The following AIMP1 variants were observed in gnomAD, a reference collection of about 807,000 sequenced individuals.
AIMP1 encodes the protein aminoacyl tRNA synthase complex-interacting multifunctional protein 1.
Under a neutral mutation model 33.1 loss-of-function variants are expected in AIMP1, and 24 were observed. That is an observed-to-expected ratio of 0.73 (90% CI 0.53 to 1.02). The LOEUF is 1.02. Among genes scored for constraint, AIMP1 ranks in the 50% least tolerant of loss-of-function variants. The probability of loss-of-function intolerance (pLI) is 0.00; values close to 1 mark genes in which losing one functional copy is unlikely to be tolerated. For synonymous variants in AIMP1, 120 were observed against 121.5 expected (o/e 0.99, Z 0.08); for missense variants, 367 against 364.8 (o/e 1.01, Z -0.05).
At chr4:106,345,945 A>C (rs563856454) in intron 6 of AIMP1, among the ~76,000 whole-genome samples, 1 of 150,436 alleles carries the variant, frequency 6.6e-6, no homozygotes, top group African/African-American at 2.4e-5. Context: ...CCAGTAATTA[A>C]GTAATTCCAA....
At position 106,331,824 on chromosome 4, in the gene AIMP1, G is replaced by T. The variant is rs148281523; in HGVS notation, c.544G>T (p.Gly182Ter). 1 of 1,614,076 alleles carries T rather than the reference G, an allele frequency of 6.2e-7. No homozygotes were observed. Among genetic ancestry groups the T allele is most frequent in the East Asian group, 2.2e-5 (1 of 44,862 alleles). ...DSLYVEEVDV[G>*]EIAPRTVVSG... is the part of the protein sequence containing the mutation. ...TTTGTATGTGGAAGAAGTAGATGTC[G>T]GAGAAATAGCCCCAAGGACAGTTGT... is the stretch of plus-strand genomic sequence containing the variant. The change falls in exon 5 of 7, where the codon GGA (glycine) becomes TGA (stop). Residue 182 changes from glycine (G) to a stop codon, truncating the protein, a stop_gained. Transcript: ENST00000672341. LOFTEE classifies it high-confidence loss of function.
intron 1 of AIMP1, among the ~76,000 whole-genome samples, chr4:106,320,922 T>G (rs958834884): frequency 1.3e-5 from 2 of 152,068 alleles, no homozygotes; most frequent in African/African-American, 4.8e-5. Context: ...GGTTTTTGTA[T>G]TTTTTGGTGG....
intron 5 of AIMP1, among the ~76,000 whole-genome samples, chr4:106,334,509 C>G (rs1769801293): frequency 6.6e-6 from 1 of 152,058 alleles, no homozygotes; most frequent in Non-Finnish European, 1.5e-5. Flanking sequence ...AGGTGATCCG[C>G]CTGCCTTGGC....
intron 6 of AIMP1, among the ~76,000 whole-genome samples, chr4:106,338,490 CA>C (rs1769976740): frequency 6.6e-6 from 1 of 152,226 alleles, no homozygotes; most frequent in East Asian, 1.9e-4. Flanking sequence ...TCAGAGAGTG[CA>C]AGCCCTAAGC....
chr4:106,325,830 A>G (rs1273128531), intron 2 of AIMP1, among the ~76,000 whole-genome samples: 1 of 152,112 alleles, frequency 6.6e-6, no homozygotes, highest in Admixed American at 6.5e-5. Context: ...ACCTATATAT[A>G]ATTTTAAAAC....
intron 6 of AIMP1, among the ~76,000 whole-genome samples, chr4:106,345,509 TA>T (rs879323286): frequency 3.3e-4 from 50 of 152,192 alleles, no homozygotes; most frequent in Admixed American, 5.9e-4. Context: ...TATTTATGGT[TA>T]TTTTTTTTCC....
chr4:106,327,991 G>A (rs1769519063), intron 3 of AIMP1, 85 bp from the exon 4 acceptor site: 2 of 1,552,302 alleles, frequency 1.3e-6, no homozygotes, highest in South Asian at 2.3e-5. Context: ...TTTAAAAAGA[G>A]TTCCCATTTG....
chr4:106,321,349 T>TGCCCCGTC, intron 1 of AIMP1: 1 of 157,514 alleles, frequency 6.3e-6, no homozygotes, highest in Non-Finnish European at 1.4e-5. Context: ...GGAGCATCTC[T>TGCCCCGTC]GCCCCGTCGC....
At chr4:106,320,729 T>G (rs1561020589) in intron 1 of AIMP1, among the ~76,000 whole-genome samples, 1 of 151,876 alleles carries the variant, frequency 6.6e-6, no homozygotes, top group Non-Finnish European at 1.5e-5. Flanking sequence ...AGTAATTTTT[T>G]AAATTAAGAA....
rs1359235707 is a variant in AIMP1 at position 106,336,849 on chromosome 4, C to T, written c.604-20C>T. 3.7e-6 allele frequency: 6 copies of T among 1,610,202 alleles called. No individual in the cohort carries two copies. In the African/African-American group the frequency reaches 6.7e-5, roughly 18 times the overall value. ...CTTAATCTGTGTACATCTTTACTTA[C>T]CAGTTTATATTTCACACAGATGCAA... On this transcript the variant is annotated intron_variant, in intron 5 of 6. Transcript: ENST00000672341.
At chr4:106,342,073 T>C (rs1217074771) in intron 6 of AIMP1, among the ~76,000 whole-genome samples, 1 of 152,184 alleles carries the variant, frequency 6.6e-6, no homozygotes, top group Non-Finnish European at 1.5e-5. Flanking sequence ...GGGATTGTGT[T>C]CTTGATTTGA....
chr4:106,336,067 G>GGT (rs1317086793), intron 5 of AIMP1, among the ~76,000 whole-genome samples: 2 of 126,488 alleles, frequency 1.6e-5, no homozygotes, highest in Non-Finnish European at 3.2e-5. Flanking sequence ...TTTGAGACAG[G>GGT]GTCTCACTCT....
intron 4 of AIMP1, among the ~76,000 whole-genome samples, chr4:106,330,492 A>T (rs1769636174): frequency 6.6e-6 from 1 of 152,202 alleles, no homozygotes; most frequent in Admixed American, 6.5e-5. Flanking sequence ...TTTTAAGTTA[A>T]TTCCATCCCC....
chr4:106,347,524 A>G lies in AIMP1; in HGVS notation c.773-2A>G. 4 of 1,612,304 alleles carry G rather than the reference A, an allele frequency of 2.5e-6. No individual in the cohort carries two copies. Among genetic ancestry groups the G allele is most frequent in the Non-Finnish European group, 3.4e-6 (4 of 1,179,126 alleles). ...TTCTTGTGCTTTTTTTCTCCTACAC[A>G]GGAGAGCCTGACAAGGAGCTGAATC... On this transcript the variant is annotated splice_acceptor_variant, in intron 6 of 6. Coordinates refer to ENST00000672341, the MANE Select transcript of AIMP1 (RefSeq NM_001142416.2). LOFTEE classifies it high-confidence loss of function.
intron 6 of AIMP1, among the ~76,000 whole-genome samples, chr4:106,341,793 A>C (rs762287981): frequency 1.2e-4 from 18 of 152,150 alleles, no homozygotes; most frequent in Admixed American, 2.0e-4. Context: ...ATTCCACGCA[A>C]ATTTTAGAAA....
chr4:106,328,679 G>A (rs892744848), intron 4 of AIMP1, among the ~76,000 whole-genome samples: 1 of 152,164 alleles, frequency 6.6e-6, no homozygotes, highest in African/African-American at 2.4e-5. Flanking sequence ...GAGAACTAAA[G>A]TAGATAGAAA....
chr4:106,347,943 A>T lies in AIMP1; in HGVS notation c.*251A>T. 3.1e-6 allele frequency: 1 copy of T among 325,964 alleles called. No individual in the cohort carries two copies. 20.2% of individuals were successfully genotyped at this position (325,964 alleles called of 1,614,324 possible). On this transcript the variant is annotated 3_prime_UTR_variant, in exon 7 of 7. Coordinates refer to ENST00000672341, the MANE Select transcript of AIMP1 (RefSeq NM_001142416.2). ...TGTAATAATTTATTTTTTAGCAGGA[A>T]TATTGATTAGCAGCTTTTTTTTCTT... is the stretch of plus-strand genomic sequence containing the variant.
At chr4:106,337,827 A>G (rs1769948365) in intron 6 of AIMP1, among the ~76,000 whole-genome samples, 2 of 152,214 alleles carry the variant, frequency 1.3e-5, no homozygotes, top group Admixed American at 1.3e-4. Flanking sequence ...GGAACTTTCT[A>G]GAGACTTGTT....
Position 106,320,892 on chromosome 4 carries a change from G to A in AIMP1, c.-25-4093G>A, listed in dbSNP as rs1449771790. 3.9e-5 allele frequency among the ~76,000 whole-genome samples: 6 copies of A among 152,212 alleles called. No individual in the cohort carries two copies. The East Asian group carries it at 1.2e-3, about 30-fold the overall frequency. ...CTGCCGAGTTCCTGGGATTGCAGGT[G>A]CGCGCCGCCACTCCTGACTGGTTTT... On this transcript the variant is annotated intron_variant, in intron 1 of 6. Transcript: ENST00000672341.
Sources: allele counts gnomAD v4.1 joint callset (sites outside exome capture counted in the v4.1 genomes callset), GRCh38; gene constraint gnomAD v4.1.1; transcripts MANE v1.5; gene names NCBI Gene and HGNC (gene_info 2026-07-23, HGNC 2026-07-21).